Variants in UBL7 observed in about 807,000 individuals in gnomAD.
The protein encoded by UBL7 is ubiquitin-like protein 7.
Under a neutral mutation model 41.7 loss-of-function variants are expected in UBL7, and 21 were observed. The ratio of observed to expected loss-of-function variants is 0.50; its 90% CI spans 0.36 to 0.73. The LOEUF is 0.73. UBL7 is among the 30% of genes least tolerant of loss of function. The pLI is 0.00. For missense variants in UBL7, 403 were observed against 478.4 expected (o/e 0.84, Z 1.47); for synonymous variants, 157 against 186.9 (o/e 0.84, Z 1.31).
chr15:74,460,804 C>A, intron 1 of UBL7: 1 of 1,255,698 alleles, frequency 8.0e-7, no homozygotes, highest in Non-Finnish European at 1.0e-6. Context: ...AAAGAAAAGG[C>A]TGTGAAGCTG....
chr15:74,460,781 G>C (rs1388508022), intron 1 of UBL7: 2 of 1,269,734 alleles, frequency 1.6e-6, no homozygotes, highest in African/African-American at 1.6e-5. Flanking sequence ...AGAGACCTCT[G>C]ATAGAGAAGA....
At chr15:74,448,187 C>A (rs1373109838) in intron 10 of UBL7, among the ~76,000 whole-genome samples, 1 of 152,170 alleles carries the variant, frequency 6.6e-6, no homozygotes, top group Non-Finnish European at 1.5e-5. Flanking sequence ...TATACACATG[C>A]TCAGTCAATG....
At chr15:74,453,659 C>T (rs1308499409) in intron 3 of UBL7, among the ~76,000 whole-genome samples, 1 of 152,250 alleles carries the variant, frequency 6.6e-6, no homozygotes, top group African/African-American at 2.4e-5. Context: ...CCAGCTCAAA[C>T]AGCAGGTTAA....
chr15:74,453,999 G>C (rs2061272538), intron 3 of UBL7, among the ~76,000 whole-genome samples: 1 of 152,190 alleles, frequency 6.6e-6, no homozygotes, highest in African/African-American at 2.4e-5. Context: ...GTCACTGTAA[G>C]ATCTCTGAGC....
chr15:74,459,731 C>T (rs1373098610), intron 1 of UBL7, among the ~76,000 whole-genome samples: 1 of 151,712 alleles, frequency 6.6e-6, no homozygotes, highest in Non-Finnish European at 1.5e-5. Flanking sequence ...TTTGAGAGGC[C>T]TAGGCGGGCG....
chr15:74,452,300 T>C lies in UBL7; in HGVS notation c.383A>G (p.Glu128Gly), dbSNP rs2061256182. Residue 128 changes from glutamate to glycine, a missense_variant, in exon 4 of 11, where the codon GAG becomes GGG. Coordinates refer to ENST00000395081, the MANE Select transcript of UBL7 (RefSeq NM_032907.5). Reference protein sequence around the residue: ...TALHSSSSYREAVFKMLSNKE... With the variant: ...TALHSSSSYRGAVFKMLSNKE... Reference sequence around the variant, plus strand: ...GGGGCCGCAGCACACACTCACCGCCTCCCTGTAAGAGGAGCTGCTGTGCAG... The same window carrying C: ...GGGGCCGCAGCACACACTCACCGCCCCCCTGTAAGAGGAGCTGCTGTGCAG... The C allele has an allele frequency of 1.2e-5, 18 of 1,556,316 alleles. No individual in the cohort carries two copies. The highest frequency in any genetic ancestry group is 1.1e-5 in the Non-Finnish European group (13 of 1,149,052).
intron 3 of UBL7, among the ~76,000 whole-genome samples, chr15:74,455,614 T>C (rs2061286696): frequency 6.6e-6 from 1 of 152,218 alleles, no homozygotes; most frequent in Admixed American, 6.5e-5. Flanking sequence ...AAAGTTTACT[T>C]TGTATCACTA....
At chr15:74,450,162 G>C in intron 6 of UBL7, 93 bp from the exon 7 acceptor site, 1 of 1,382,764 alleles carries the variant, frequency 7.2e-7, no homozygotes, top group Non-Finnish European at 9.6e-7. Context: ...CAACAATGCA[G>C]CCACCTGTGC....
At chr15:74,457,510 T>G (rs2061305767) in intron 2 of UBL7, among the ~76,000 whole-genome samples, 1 of 151,772 alleles carries the variant, frequency 6.6e-6, no homozygotes, top group African/African-American at 2.4e-5. Context: ...ACCACTGCAC[T>G]CCAGCCTGGG....
At chr15:74,459,608 C>T (rs1306587652) in intron 1 of UBL7, among the ~76,000 whole-genome samples, 3 of 151,686 alleles carry the variant, frequency 2.0e-5, no homozygotes, top group Non-Finnish European at 4.4e-5. Context: ...TGAGCGACTG[C>T]GCCTGGCCAC....
intron 4 of UBL7, 53 bp downstream of exon 4, chr15:74,452,243 A>G (rs2061254801): frequency 6.6e-7 from 1 of 1,518,976 alleles, no homozygotes; most frequent in Non-Finnish European, 8.9e-7. Flanking sequence ...CTCGCCAGCC[A>G]GCGTTCACAC....
At chr15:74,453,079 G>A (rs1472147529) in intron 3 of UBL7, among the ~76,000 whole-genome samples, 1 of 152,152 alleles carries the variant, frequency 6.6e-6, no homozygotes, top group Non-Finnish European at 1.5e-5. Context: ...TACTGACTGT[G>A]TACTGCCCAA....
In UBL7 at chr15:74,458,938, C is replaced by T. The variant is rs745671557; in HGVS notation, c.-29-42G>A. 3.2e-6 allele frequency: 5 copies of T among 1,563,318 alleles called. No individual in the cohort carries two copies. In the Admixed American group the frequency reaches 8.4e-5, roughly 26 times the overall value. ...CCTCAGTGGTTAAAAGACAGACCAC[C>T]ACTCTACTCCACCCCCACCCACCAA... is the stretch of plus-strand genomic sequence containing the variant. On this transcript the variant is annotated intron_variant, in intron 1 of 10. Coordinates refer to ENST00000395081, the MANE Select transcript of UBL7 (RefSeq NM_032907.5).
intron 3 of UBL7, 128 bp from the exon 4 acceptor site, chr15:74,452,506 T>A: frequency 1.1e-6 from 1 of 893,908 alleles, no homozygotes; most frequent in Non-Finnish European, 1.7e-6. Context: ...CATCACCCCT[T>A]AAGAATGTGA....
rs11853002 is a variant in UBL7, at chr15:74,449,701, G to A, written c.665-26C>T. On this transcript the variant is annotated intron_variant, in intron 7 of 10. Coordinates refer to ENST00000395081, the MANE Select transcript of UBL7 (RefSeq NM_032907.5). ...CTGGAGGAGGACGAACAGATTTCAGGAGGAAGAACAGAAAGGCACAGGCGC... is the reference window on the plus strand; with the variant it reads ...CTGGAGGAGGACGAACAGATTTCAGAAGGAAGAACAGAAAGGCACAGGCGC... The A allele has an allele frequency of 6.0e-3, 9,724 of 1,614,002 alleles. 530 individuals carry two copies. In the African/African-American group the frequency reaches 0.11, roughly 19 times the overall value.
intron 4 of UBL7, among the ~76,000 whole-genome samples, 179 bp from the exon 5 acceptor site, chr15:74,451,699 G>C (rs1385546725): frequency 6.6e-6 from 1 of 151,542 alleles, no homozygotes. Context: ...TTACTGGAGG[G>C]GAAACAAACA....
intron 1 of UBL7, among the ~76,000 whole-genome samples, chr15:74,460,215 T>C (rs1474368008): frequency 6.6e-6 from 1 of 152,038 alleles, no homozygotes; most frequent in Non-Finnish European, 1.5e-5. Context: ...GCACTCCAGC[T>C]TGGGCGACAG....
At chr15:74,447,355 T>C (rs888550015) in intron 10 of UBL7, among the ~76,000 whole-genome samples, 5 of 152,204 alleles carry the variant, frequency 3.3e-5, no homozygotes, top group Non-Finnish European at 7.3e-5. Context: ...TGAACTACAA[T>C]GCTGGCCCCT....
chr15:74,458,243 A>C (rs1175693301), intron 2 of UBL7, among the ~76,000 whole-genome samples: 2 of 152,162 alleles, frequency 1.3e-5, no homozygotes, highest in African/African-American at 4.8e-5. Context: ...CAGCCTGGCC[A>C]ACATGGTGAA....
Sources: gnomAD v4.1 joint callset for allele counts (sites outside exome capture counted in the v4.1 genomes callset) on GRCh38, gnomAD v4.1.1 for gene constraint, MANE v1.5 for transcripts, NCBI Gene and HGNC (gene_info 2026-07-23, HGNC 2026-07-21) for gene names.